Variants in PRKAR2A observed in about 807,000 individuals in gnomAD.
The protein encoded by PRKAR2A is protein kinase cAMP-dependent type II regulatory subunit alpha.
A neutral mutation model predicts 51.9 loss-of-function variants in PRKAR2A; 29 were observed. The ratio of observed to expected loss-of-function variants is 0.56; its 90% CI spans 0.42 to 0.76. The LOEUF (loss-of-function observed/expected upper bound fraction) is 0.76, where lower values mean the gene tolerates loss of function less well. Ranked by LOEUF, PRKAR2A falls within the 30% of genes least tolerant of loss-of-function variation. The pLI, the probability that PRKAR2A is intolerant of heterozygous loss-of-function variation, is 0.00. For missense variants in PRKAR2A, 445 were observed against 512.1 expected (o/e 0.87, Z 1.26); for synonymous variants, 178 against 186.2 (o/e 0.96, Z 0.36).
At position 48,751,734 on chromosome 3, in the gene PRKAR2A, G is replaced by C; in HGVS notation, c.1082-16C>G. On this transcript the variant is annotated splice_polypyrimidine_tract_variant and intron_variant, in intron 10 of 10. Coordinates refer to ENST00000265563, the MANE Select transcript of PRKAR2A (RefSeq NM_004157.4). ...ACATCCATAACTGCATTGTTAAAAAGAGGTGAGGGAGAGAATGAATTCAAG... is the reference window on the plus strand; with the variant it reads ...ACATCCATAACTGCATTGTTAAAAACAGGTGAGGGAGAGAATGAATTCAAG... 6.3e-7 allele frequency: 1 copy of C among 1,597,364 alleles called. No homozygotes were observed. The highest frequency in any genetic ancestry group is 8.6e-7 in the Non-Finnish European group (1 of 1,167,762).
chr3:48,757,395 C>T (rs1382483610), intron 8 of PRKAR2A, among the ~76,000 whole-genome samples: 4 of 152,172 alleles, frequency 2.6e-5, no homozygotes, highest in African/African-American at 7.2e-5. Flanking sequence ...AGGCTCCCTC[C>T]GGAGTTCAGT....
chr3:48,818,862 G>T (rs2082914521), intron 1 of PRKAR2A, among the ~76,000 whole-genome samples: 1 of 152,202 alleles, frequency 6.6e-6, no homozygotes, highest in African/African-American at 2.4e-5. Flanking sequence ...ATGTATAGAA[G>T]TACTGAGACA....
intron 4 of PRKAR2A, among the ~76,000 whole-genome samples, chr3:48,790,304 T>C (rs1297938922): frequency 6.6e-6 from 1 of 152,078 alleles, no homozygotes; most frequent in Non-Finnish European, 1.5e-5. Context: ...TGACTATGGG[T>C]AACTGAAACC....
chr3:48,828,793 T>C (rs1423520923), intron 1 of PRKAR2A, among the ~76,000 whole-genome samples: 6 of 150,878 alleles, frequency 4.0e-5, no homozygotes, highest in Non-Finnish European at 7.4e-5. Context: ...TTTTACCAGG[T>C]GCAGTGGTTC....
At chr3:48,845,144 C>G (rs1459783394) in intron 1 of PRKAR2A, among the ~76,000 whole-genome samples, 1 of 152,058 alleles carries the variant, frequency 6.6e-6, no homozygotes, top group Non-Finnish European at 1.5e-5. Context: ...ACAAATTTGT[C>G]CCTGGAAGAT....
chr3:48,754,360 C>T (rs1254925007), intron 9 of PRKAR2A, among the ~76,000 whole-genome samples: 1 of 151,922 alleles, frequency 6.6e-6, no homozygotes, highest in Non-Finnish European at 1.5e-5. Context: ...GCCTCAGCCT[C>T]CTGAGTAGCT....
At position 48,748,586 on chromosome 3, in the gene PRKAR2A, G is replaced by C. The variant is rs1425454960; in HGVS notation, c.*2999C>G. The C allele has an allele frequency of 6.6e-6, 1 of 152,256 alleles. No homozygotes were observed. Among genetic ancestry groups the C allele is most frequent in the Non-Finnish European group, 1.5e-5 (1 of 68,082 alleles). The allele number at this position is 152,256 out of a possible 1,614,324, so 9.4% of individuals were successfully genotyped here. On this transcript the variant is annotated 3_prime_UTR_variant, in exon 11 of 11. Transcript: ENST00000265563. Reference sequence around the variant, plus strand: ...GGCCCATCCCTAGCAGACTGCAGGAGTGACTCTGGCATAGAATTCATGGCC... The same window carrying C: ...GGCCCATCCCTAGCAGACTGCAGGACTGACTCTGGCATAGAATTCATGGCC...
chr3:48,831,454 C>T (rs138219862), intron 1 of PRKAR2A, among the ~76,000 whole-genome samples: 251 of 147,928 alleles, frequency 1.7e-3, no homozygotes, highest in African/African-American at 6.2e-3. Context: ...GTAGCATTGA[C>T]CTGCTGGGCT....
chr3:48,814,820 T>C (rs565358764), intron 1 of PRKAR2A, among the ~76,000 whole-genome samples: 2 of 152,300 alleles, frequency 1.3e-5, no homozygotes, highest in East Asian at 1.9e-4. Context: ...ATCTCAAGCT[T>C]TGTGCTTTAT....
chr3:48,744,927 T>G (rs1575824676), downstream of PRKAR2A, among the ~76,000 whole-genome samples: 1 of 151,962 alleles, frequency 6.6e-6, no homozygotes, highest in South Asian at 2.1e-4. Flanking sequence ...CAGGCTGGAG[T>G]GCAGTGGCGC....
chr3:48,820,025 G>A, intron 1 of PRKAR2A, among the ~76,000 whole-genome samples: 1 of 152,134 alleles, frequency 6.6e-6, no homozygotes, highest in African/African-American at 2.4e-5. Flanking sequence ...AGGCAAATCA[G>A]TGTTCTTAAG....
At chr3:48,837,195 G>A (rs890942471) in intron 1 of PRKAR2A, among the ~76,000 whole-genome samples, 1 of 152,020 alleles carries the variant, frequency 6.6e-6, no homozygotes, top group Non-Finnish European at 1.5e-5. Context: ...GGTGGCGCAT[G>A]AGCCCAGGAG....
chr3:48,800,565 T>C (rs2082572986), intron 2 of PRKAR2A, among the ~76,000 whole-genome samples: 1 of 151,776 alleles, frequency 6.6e-6, no homozygotes, highest in Admixed American at 6.6e-5. Flanking sequence ...AATTTGGGAC[T>C]ACATAAGAAA....
At chr3:48,784,594 T>C (rs1224969724) in intron 4 of PRKAR2A, among the ~76,000 whole-genome samples, 1 of 152,180 alleles carries the variant, frequency 6.6e-6, no homozygotes, top group African/African-American at 2.4e-5. Context: ...TCTGAGTCAC[T>C]TTTCTTCTTC....
Position 48,796,670 on chromosome 3 carries a change from GT to G in PRKAR2A, c.299-2622del, listed in dbSNP as rs11370685. 5.7e-3 allele frequency among the ~76,000 whole-genome samples: 781 copies of G among 136,754 alleles called. 9 individuals carry two copies. The highest frequency in any genetic ancestry group is 0.019 in the African/African-American group (688 of 37,152). 89.7% of individuals were successfully genotyped at this position (136,754 alleles called of 152,430 possible). A position where few individuals can be genotyped will look rare whatever the true frequency, so the allele number is the denominator to read the frequency against. ...TTTTTATATTTTTAGTAGAGACGGG[GT>G]TTTTTTTTTTTTTTTGCCATGTTGG... is the stretch of plus-strand genomic sequence containing the variant. On this transcript the variant is annotated intron_variant, in intron 2 of 10. Transcript: ENST00000265563.
At chr3:48,807,492 TTAAAA>T (rs1351635625) in intron 2 of PRKAR2A, among the ~76,000 whole-genome samples, 152 bp downstream of exon 2, 7 of 152,174 alleles carry the variant, frequency 4.6e-5, no homozygotes, top group Admixed American at 6.6e-5. Context: ...TACTCAGAAC[TTAAAA>T]TAAAAACAGA....
At chr3:48,793,385 G>C (rs2082423764) in intron 3 of PRKAR2A, among the ~76,000 whole-genome samples, 2 of 152,068 alleles carry the variant, frequency 1.3e-5, no homozygotes, top group African/African-American at 4.8e-5. Context: ...TTCTCCTTTA[G>C]GTAAATGCTA....
At chr3:48,794,568 G>C (rs550062065) in intron 2 of PRKAR2A, among the ~76,000 whole-genome samples, 3 of 151,836 alleles carry the variant, frequency 2.0e-5, no homozygotes, top group African/African-American at 7.3e-5. Context: ...GGTGGTGTGC[G>C]CCTGTAGTCC....
chr3:48,751,678 G>T lies in PRKAR2A; in HGVS notation c.1122C>A (p.Cys374Ter). Residue 374 changes from cysteine (C) to a stop codon, truncating the protein, a stop_gained, in exon 11 of 11, where the codon TGC becomes TGA. Transcript: ENST00000265563. LOFTEE classifies it high-confidence loss of function. ...VQAFERLLGP[C>*]MDIMKRNISH... ...AGATGTTCCTCTTCATGATGTCCAT[G>T]CAGGGCCCCAGAAGCCTCTCGAATG... is the stretch of plus-strand genomic sequence containing the variant. 6.2e-7 allele frequency: 1 copy of T among 1,613,856 alleles called. No homozygotes were observed. The highest frequency in any genetic ancestry group is 1.7e-5 in the Admixed American group (1 of 59,994).
Sources: allele counts gnomAD v4.1 joint callset (sites outside exome capture counted in the v4.1 genomes callset), GRCh38; gene constraint gnomAD v4.1.1; transcripts MANE v1.5; gene names NCBI Gene and HGNC (gene_info 2026-07-23, HGNC 2026-07-21).